The following SMS variants were observed in gnomAD, a reference collection of about 807,000 sequenced individuals.
The protein encoded by SMS is spermidine aminopropyltransferase.
SMS carries 3 observed loss-of-function variants against 33.0 expected under a neutral mutation model. That is an observed-to-expected ratio of 0.09 (90% CI 0.04 to 0.23). The LOEUF is 0.23. Among genes scored for constraint, SMS ranks in the 10% least tolerant of loss-of-function variants. The pLI, the probability that SMS is intolerant of heterozygous loss-of-function variation, is 1.00. For synonymous variants in SMS, 103 were observed against 112.2 expected (o/e 0.92, Z 0.52); for missense variants, 117 against 288.6 (o/e 0.41, Z 4.31).
At chrX:21,975,588 A>AGTCCTGTTCGCCTGCTCTCTAGCAGTT (rs1416812170) in intron 4 of SMS, among the ~76,000 whole-genome samples, 2 of 111,326 alleles carry the variant, frequency 1.8e-5, no homozygotes, top group Non-Finnish European at 1.9e-5. Flanking sequence ...GCTTCCTCCA[A>AGTCCTGTTCGCCTGCTCTCTAGCAGTT]GTCCTGTTCG....
intron 7 of SMS, among the ~76,000 whole-genome samples, chrX:21,983,391 T>C (rs1925112008): frequency 2.7e-5 from 2 of 74,827 alleles, no homozygotes; most frequent in Non-Finnish European, 5.4e-5. Flanking sequence ...AATTTTTCTT[T>C]TACTTAATGT....
chrX:21,967,955 C>T (rs888333141), intron 2 of SMS, among the ~76,000 whole-genome samples: 4 of 112,467 alleles, frequency 3.6e-5, no homozygotes, highest in Non-Finnish European at 7.5e-5. Context: ...TTAGTGTTTT[C>T]CAGGTCTCTG....
chrX:21,988,805 G>A (rs1435699540), intron 9 of SMS, among the ~76,000 whole-genome samples: 1 of 111,095 alleles, frequency 9.0e-6, no homozygotes, highest in Non-Finnish European at 1.9e-5. Flanking sequence ...GTGGCTGCCT[G>A]AAGGCAGCCT....
chrX:21,955,927 T>C (rs745594252), intron 1 of SMS, among the ~76,000 whole-genome samples: 1 of 112,129 alleles, frequency 8.9e-6, no homozygotes, highest in South Asian at 3.7e-4. Flanking sequence ...TCATACGGGT[T>C]AAATCAGAAG....
intron 6 of SMS, among the ~76,000 whole-genome samples, chrX:21,978,421 A>C (rs937969043): frequency 1.8e-5 from 2 of 111,352 alleles, no homozygotes; most frequent in African/African-American, 6.5e-5. Flanking sequence ...CTAAAATTAC[A>C]AAAATTAGCC....
chrX:21,969,171 T>A (rs370128361), intron 2 of SMS, among the ~76,000 whole-genome samples: 2 of 111,795 alleles, frequency 1.8e-5, no homozygotes, highest in African/African-American at 6.5e-5. Context: ...TAAGTCTCCA[T>A]GGCCAACCCC....
At chrX:21,956,117 T>C (rs1309213691) in intron 1 of SMS, among the ~76,000 whole-genome samples, 1 of 112,667 alleles carries the variant, frequency 8.9e-6, no homozygotes, top group African/African-American at 3.2e-5. Context: ...GAAGTAGTCA[T>C]TGTGGCTGGT....
chrX:21,940,718 C>T lies in SMS; in HGVS notation c.-107C>T. 1.6e-6 allele frequency: 1 copy of T among 645,042 alleles called. No homozygotes were observed. Among genetic ancestry groups the T allele is most frequent in the Non-Finnish European group, 2.3e-6 (1 of 440,063 alleles). 53.2% of individuals were successfully genotyped at this position (645,042 alleles called of 1,213,427 possible). A position where few individuals can be genotyped will look rare whatever the true frequency, so the allele number is the denominator to read the frequency against. Reference sequence around the variant, plus strand: ...GCCCCTCCCACCTCCTAGTCCTGGCCTCCCCGGGCGCAGCACACTCCCAGC... The same window carrying T: ...GCCCCTCCCACCTCCTAGTCCTGGCTTCCCCGGGCGCAGCACACTCCCAGC... On this transcript the variant is annotated 5_prime_UTR_variant, in exon 1 of 11. Transcript: ENST00000404933.
At chrX:21,987,821 A>T (rs1363099847) in intron 9 of SMS, among the ~76,000 whole-genome samples, 2 of 112,495 alleles carry the variant, frequency 1.8e-5, no homozygotes, top group Non-Finnish European at 3.8e-5. Flanking sequence ...CCTGTTGTCT[A>T]CTACAGCCGA....
chrX:21,941,518 GATT>G (rs1261354742), intron 1 of SMS, among the ~76,000 whole-genome samples: 2 of 110,847 alleles, frequency 1.8e-5, no homozygotes, highest in East Asian at 2.9e-4. Flanking sequence ...AAAAGGAAAC[GATT>G]ATTATTATTG....
At chrX:21,977,263 A>C (rs756132651) in intron 5 of SMS, 27 bp downstream of exon 5, 14 of 1,143,713 alleles carry the variant, frequency 1.2e-5, no homozygotes, top group Non-Finnish European at 1.2e-5. Flanking sequence ...TGCCCCGATC[A>C]CGTAACAAAG....
At chrX:21,990,726 A>G (rs1467912941) in intron 9 of SMS, among the ~76,000 whole-genome samples, 1 of 112,908 alleles carries the variant, frequency 8.9e-6, no homozygotes, top group Non-Finnish European at 1.9e-5. Context: ...TGTCAATTTT[A>G]AGATGGCAAA....
intron 1 of SMS, among the ~76,000 whole-genome samples, chrX:21,953,963 C>CTAG (rs57271529): frequency 0.14 from 14,528 of 104,315 alleles, 830 homozygotes; most frequent in Non-Finnish European, 0.17. Flanking sequence ...TCTTGAAGTA[C>CTAG]TAGTGTGGAT....
At chrX:21,965,321 C>T (rs935366976) in intron 1 of SMS, among the ~76,000 whole-genome samples, 1 of 111,016 alleles carries the variant, frequency 9.0e-6, no homozygotes, top group African/African-American at 3.3e-5. Flanking sequence ...TTTTAAATGG[C>T]AACTGATTTA....
intron 2 of SMS, 59 bp from the exon 3 acceptor site, chrX:21,971,837 TC>T (rs1924178982): frequency 4.1e-4 from 306 of 740,768 alleles, no homozygotes; most frequent in Non-Finnish European, 5.9e-4. Flanking sequence ...TCTCTCTCTC[TC>T]TTTTTTTTTT....
intron 1 of SMS, among the ~76,000 whole-genome samples, chrX:21,960,228 T>C (rs1275167031): frequency 9.0e-6 from 1 of 110,733 alleles, no homozygotes; most frequent in African/African-American, 3.3e-5. Context: ...GAGCCAGTTC[T>C]GGGAGAGACC....
chrX:21,942,654 C>A (rs914350785), intron 1 of SMS, among the ~76,000 whole-genome samples: 1 of 110,392 alleles, frequency 9.1e-6, no homozygotes, highest in East Asian at 2.8e-4. Flanking sequence ...TCATTAATAA[C>A]CCTGCCAGCC....
intron 1 of SMS, among the ~76,000 whole-genome samples, chrX:21,959,655 C>T (rs1602191848): frequency 1.8e-5 from 2 of 112,844 alleles, no homozygotes; most frequent in South Asian, 7.2e-4. Context: ...AAAGCAGCTA[C>T]CTGATTTCAA....
In SMS at chrX:21,954,845, T is replaced by C. The variant is rs986800698; in HGVS notation, c.50-12351T>C. On this transcript the variant is annotated intron_variant, in intron 1 of 10. Transcript: ENST00000404933. ...ATGCTCAGACAGAACCCTTGAAGTA[T>C]TGTTTTTTTTTGAGACAGTCTTGCT... Among the ~76,000 whole-genome samples, 5 of 111,458 alleles carry C rather than the reference T, an allele frequency of 4.5e-5. No homozygotes were observed. In the East Asian group the frequency reaches 1.1e-3, roughly 25 times the overall value.
Sources: allele counts gnomAD v4.1 joint callset (sites outside exome capture counted in the v4.1 genomes callset), GRCh38; gene constraint gnomAD v4.1.1; transcripts MANE v1.5; gene names NCBI Gene and HGNC (gene_info 2026-07-23, HGNC 2026-07-21).